The following ABCC1 variants were observed in gnomAD, a reference collection of about 807,000 sequenced individuals.
ABCC1 encodes the protein ATP binding cassette subfamily C member 1 (ABCC1 blood group).
ABCC1 carries 83 observed loss-of-function variants against 172.9 expected under a neutral mutation model. The observed-to-expected ratio is 0.48, with a 90% CI of 0.40 to 0.58. The LOEUF (loss-of-function observed/expected upper bound fraction) is 0.58, where lower values mean the gene tolerates loss of function less well. ABCC1 is among the 20% of genes least tolerant of loss of function. ABCC1 has a pLI of 0.00. For synonymous variants in ABCC1, 937 were observed against 825.2 expected (o/e 1.14, Z -2.32); for missense variants, 1,817 against 2,002.7 (o/e 0.91, Z 1.77).
At position 16,098,933 on chromosome 16, in the gene ABCC1, G is replaced by T. The variant is rs369567308; in HGVS notation, c.2645-3694G>T. On this transcript the variant is annotated intron_variant, in intron 19 of 30. Coordinates refer to ENST00000399410, the MANE Select transcript of ABCC1 (RefSeq NM_004996.4). ...TACTGCCCGGGTTGGAGTTGGCTTG[G>T]CTCATAGAATGAGGCCAGAGACGGG... is the stretch of plus-strand genomic sequence containing the variant. The T allele has an allele frequency of 1.3e-5, 17 of 1,350,856 alleles. 1 individual carries two copies. The African/African-American group carries it at 1.5e-4, about 12-fold the overall frequency. 83.7% of individuals were successfully genotyped at this position (1,350,856 alleles called of 1,614,324 possible).
chr16:16,048,636 T>C (rs187767157), intron 10 of ABCC1, among the ~76,000 whole-genome samples: 5 of 152,326 alleles, frequency 3.3e-5, no homozygotes, highest in South Asian at 2.1e-4. Context: ...TATTCATTAG[T>C]CCCTAATTAT....
In ABCC1 at chr16:16,104,149, C is replaced by G. The variant is rs183421612; in HGVS notation, c.2735+1432C>G. Among the ~76,000 whole-genome samples the G allele has an allele frequency of 9.4e-4, 143 of 152,280 alleles. No individual in the cohort carries two copies. In the Middle Eastern group the frequency reaches 0.017, roughly 18 times the overall value. On this transcript the variant is annotated intron_variant, in intron 20 of 30. Transcript: ENST00000399410. ...ACAGCTCACAAAGGCAATGTGGACCCAAACACTGAGCAGCAGAAAGATTTA... is the reference window on the plus strand; with the variant it reads ...ACAGCTCACAAAGGCAATGTGGACCGAAACACTGAGCAGCAGAAAGATTTA...
rs372605951 is a variant in ABCC1 at position 16,056,058 on chromosome 16, G to T, written c.1474-34G>T. 11 of 1,596,084 alleles carry T rather than the reference G, an allele frequency of 6.9e-6. No homozygotes were observed. The African/African-American group carries it at 1.2e-4, about 18-fold the overall frequency. ...TGAGTGATGGGCTGATCCCAGGGTC[G>T]CCCCAGATGTGTTGACTGCCCGTCT... On this transcript the variant is annotated intron_variant, in intron 11 of 30. Coordinates refer to ENST00000399410, the MANE Select transcript of ABCC1 (RefSeq NM_004996.4).
At chr16:16,104,579 C>T (rs1303242281) in intron 20 of ABCC1, among the ~76,000 whole-genome samples, 2 of 152,228 alleles carry the variant, frequency 1.3e-5, no homozygotes, top group Admixed American at 6.5e-5. Flanking sequence ...CAAGTCAGCA[C>T]CAGACTCAGG....
intron 13 of ABCC1, 94 bp downstream of exon 13, chr16:16,068,396 A>C: frequency 1.4e-6 from 2 of 1,458,116 alleles, no homozygotes; most frequent in Non-Finnish European, 1.9e-6. Flanking sequence ...CCTCTAGATC[A>C]CACTCCCGGT....
chr16:16,115,100 C>G (rs758688192), intron 23 of ABCC1, 24 bp downstream of exon 23: 1 of 1,606,070 alleles, frequency 6.2e-7, no homozygotes, highest in African/African-American at 1.3e-5. Context: ...TCTTAGTGTT[C>G]GGGACAAGCC....
intron 20 of ABCC1, 50 bp from the exon 21 acceptor site, chr16:16,106,688 C>T: frequency 1.2e-6 from 2 of 1,611,214 alleles, no homozygotes; most frequent in Non-Finnish European, 1.7e-6. Flanking sequence ...GCCCTCCGAC[C>T]CTGCCCAAGG....
chr16:16,086,740 A>T (rs540119944), intron 17 of ABCC1, 84 bp from the exon 18 acceptor site: 44 of 1,518,372 alleles, frequency 2.9e-5, no homozygotes, highest in Middle Eastern at 2.4e-4. Flanking sequence ...AAGTTCTGGG[A>T]TCACACCACA....
rs377197163 is a variant in ABCC1, at chr16:16,112,187, A to G, written c.3079+605A>G. On this transcript the variant is annotated intron_variant, in intron 22 of 30. Coordinates refer to ENST00000399410, the MANE Select transcript of ABCC1 (RefSeq NM_004996.4). ...GGCAACATAGTGAGACCCTATTTCT[A>G]GAAAAAATAGATAAATAAAATAAAC... 1.1e-4 allele frequency among the ~76,000 whole-genome samples: 17 copies of G among 152,176 alleles called. No individual in the cohort carries two copies. In the East Asian group the frequency reaches 2.5e-3, roughly 22 times the overall value.
At chr16:15,951,588 C>A (rs1051217023) in intron 1 of ABCC1, among the ~76,000 whole-genome samples, 1 of 152,008 alleles carries the variant, frequency 6.6e-6, no homozygotes, top group African/African-American at 2.4e-5. Flanking sequence ...TGCCTTGGAA[C>A]CAGAATTTGA....
chr16:15,999,725 C>T (rs1311231767), intron 1 of ABCC1, among the ~76,000 whole-genome samples: 1 of 140,634 alleles, frequency 7.1e-6, no homozygotes, highest in Non-Finnish European at 1.5e-5. Context: ...TTCGGTCTCC[C>T]AAATTGCTGG....
chr16:16,098,708 G>A (rs2239995), intron 19 of ABCC1, among the ~76,000 whole-genome samples: 26,582 of 152,234 alleles, frequency 0.17, 2,447 homozygotes, highest in South Asian at 0.31. Context: ...CACCCAGCAC[G>A]TGTGGGATGG....
rs1297776332 is a variant in ABCC1, at chr16:16,007,836, T to A, written c.69T>A (p.Asn23Lys). ...DPLWDWNVTW[N>K]TSNPDFTKCF... is the part of the protein sequence containing the mutation. ...CGCAGGACTGGAATGTCACGTGGAA[T>A]ACCAGCAACCCCGACTTCACCAAGT... Residue 23 changes from asparagine to lysine, a missense_variant, in exon 2 of 31, where the codon AAT (asparagine) becomes AAA (lysine). This residue lies in a region of ABCC1 where 398 missense variants were observed against 384.2 expected (regional missense o/e 1.04). Transcript: ENST00000399410. 1 of 1,612,940 alleles carries A rather than the reference T, an allele frequency of 6.2e-7. No individual in the cohort carries two copies. The highest frequency in any genetic ancestry group is 2.2e-5 in the East Asian group (1 of 44,842).
intron 3 of ABCC1, among the ~76,000 whole-genome samples, chr16:16,010,764 C>T (rs2047746688): frequency 1.3e-5 from 2 of 152,206 alleles, no homozygotes; most frequent in Admixed American, 1.3e-4. Context: ...TTGTTCCCAT[C>T]TTACAGGTGA....
intron 1 of ABCC1, among the ~76,000 whole-genome samples, chr16:15,950,077 G>A (rs1342026761): frequency 6.6e-6 from 1 of 152,106 alleles, no homozygotes; most frequent in African/African-American, 2.4e-5. Context: ...GCCGTGAGGA[G>A]GCCTTCCTGT....
chr16:15,999,775 C>T (rs187080702), intron 1 of ABCC1, among the ~76,000 whole-genome samples: 30 of 25,176 alleles, frequency 1.2e-3, no homozygotes, highest in African/African-American at 2.8e-3. Flanking sequence ...CTCTTTCTCT[C>T]TCTCTCTCTC....
In ABCC1 at chr16:16,054,439, A is replaced by G. The variant is rs116041919; in HGVS notation, c.1473+1623A>G. 3.1e-3 allele frequency among the ~76,000 whole-genome samples: 473 copies of G among 152,252 alleles called. 4 individuals are homozygous for G. Among genetic ancestry groups the G allele is most frequent in the African/African-American group, 0.01 (429 of 41,530 alleles). ...CTTCCAACCCGGTGCCTTTTGGTCTATAATGGAGATGGTGCAGTTTATTTC... is the reference window on the plus strand; with the variant it reads ...CTTCCAACCCGGTGCCTTTTGGTCTGTAATGGAGATGGTGCAGTTTATTTC... On this transcript the variant is annotated intron_variant, in intron 11 of 30. Coordinates refer to ENST00000399410, the MANE Select transcript of ABCC1 (RefSeq NM_004996.4).
intron 19 of ABCC1, among the ~76,000 whole-genome samples, chr16:16,099,357 T>G (rs2051625355): frequency 6.6e-6 from 1 of 152,224 alleles, no homozygotes; most frequent in South Asian, 2.1e-4. Context: ...CAGGTGGTGG[T>G]GGGGACCCTG....
At chr16:16,004,651 G>A (rs1479474581) in intron 1 of ABCC1, among the ~76,000 whole-genome samples, 1 of 138,218 alleles carries the variant, frequency 7.2e-6, no homozygotes, top group Non-Finnish European at 1.5e-5. Context: ...GGCCTTGTAA[G>A]GTTTACTTTT....
Sources: allele counts gnomAD v4.1 joint callset (sites outside exome capture counted in the v4.1 genomes callset), GRCh38; gene constraint gnomAD v4.1.1; regional missense constraint gnomAD v4.1.1; transcripts MANE v1.5; gene names NCBI Gene and HGNC (gene_info 2026-07-23, HGNC 2026-07-21).